Variants in EPB41 observed in about 807,000 individuals in gnomAD.
The protein encoded by EPB41 is protein 4.1.
A neutral mutation model predicts 108.0 loss-of-function variants in EPB41; 65 were observed. The observed-to-expected ratio is 0.60, with a 90% CI of 0.49 to 0.74. The LOEUF is 0.74. Among genes scored for constraint, EPB41 ranks in the 30% least tolerant of loss-of-function variants. The probability of loss-of-function intolerance (pLI) is 0.00; values close to 1 mark genes in which losing one functional copy is unlikely to be tolerated. For synonymous variants in EPB41, 336 were observed against 358.9 expected, an observed-to-expected ratio of 0.94 and a Z score of 0.72; for missense variants, 875 against 1,037.0, an observed-to-expected ratio of 0.84 and a Z score of 2.15.
At chr1:29,108,826 G>A (rs543260712) in intron 17 of EPB41, among the ~76,000 whole-genome samples, 1 of 150,334 alleles carries the variant, frequency 6.7e-6, no homozygotes, top group Non-Finnish European at 1.5e-5. Context: ...CAAAGTGCTA[G>A]GATTACAGGC....
chr1:28,894,252 C>T (rs1200405239), intron 1 of EPB41, among the ~76,000 whole-genome samples: 1 of 152,180 alleles, frequency 6.6e-6, no homozygotes, highest in African/African-American at 2.4e-5. Flanking sequence ...GTATCTTCAG[C>T]GCCTAGGGTA....
intron 8 of EPB41, chr1:29,031,769 T>C (rs1018574524): frequency 1.3e-5 from 2 of 152,136 alleles, no homozygotes; most frequent in African/African-American, 2.4e-5. Context: ...GAAAGTCTCC[T>C]TACTTCTCTC....
intron 1 of EPB41, among the ~76,000 whole-genome samples, chr1:28,974,668 T>G (rs2095561833): frequency 6.6e-6 from 1 of 152,218 alleles, no homozygotes. Context: ...TTTGAGATAC[T>G]GGATGGTATG....
At chr1:28,989,844 T>C (rs2095964942) in intron 2 of EPB41, among the ~76,000 whole-genome samples, 1 of 152,200 alleles carries the variant, frequency 6.6e-6, no homozygotes, top group Non-Finnish European at 1.5e-5. Context: ...TCTTAAAACA[T>C]TGCCTGGCAT....
intron 17 of EPB41, among the ~76,000 whole-genome samples, chr1:29,100,763 T>C (rs1217409364): frequency 2.0e-5 from 3 of 146,836 alleles, no homozygotes; most frequent in Non-Finnish European, 4.5e-5. Context: ...ATTAAATATA[T>C]AATATATATA....
intron 17 of EPB41, among the ~76,000 whole-genome samples, chr1:29,100,032 T>C (rs1664706040): frequency 6.6e-6 from 1 of 152,164 alleles, no homozygotes; most frequent in South Asian, 2.1e-4. Context: ...ACATTTTGGC[T>C]GAGGTCTGAA....
chr1:29,014,723 C>T (rs1014825024), intron 5 of EPB41, among the ~76,000 whole-genome samples: 1 of 152,184 alleles, frequency 6.6e-6, no homozygotes, highest in Non-Finnish European at 1.5e-5. Context: ...ACCCACCACA[C>T]CTGGCTGGTC....
chr1:28,997,827 C>T (rs1366249208), intron 4 of EPB41, among the ~76,000 whole-genome samples: 1 of 152,016 alleles, frequency 6.6e-6, no homozygotes, highest in Non-Finnish European at 1.5e-5. Flanking sequence ...TTTCCTCCAA[C>T]CTAAAAGGAA....
chr1:28,967,101 C>G (rs1221293353), intron 1 of EPB41, among the ~76,000 whole-genome samples: 1 of 140,074 alleles, frequency 7.1e-6, no homozygotes, highest in South Asian at 2.2e-4. Flanking sequence ...TCACTGCAAG[C>G]TCTGCCTCCA....
intron 1 of EPB41, among the ~76,000 whole-genome samples, chr1:28,951,449 A>T (rs1236981637): frequency 2.0e-5 from 3 of 152,110 alleles, no homozygotes; most frequent in Non-Finnish European, 4.4e-5. Flanking sequence ...GACTACAGTA[A>T]TGGAGTAGAA....
At chr1:28,932,451 C>T (rs2093797267) in intron 1 of EPB41, among the ~76,000 whole-genome samples, 1 of 150,828 alleles carries the variant, frequency 6.6e-6, no homozygotes, top group Non-Finnish European at 1.5e-5. Context: ...TTCCAGGAGC[C>T]AAAGCTGCTG....
chr1:28,916,552 G>A (rs1252345441), intron 1 of EPB41, among the ~76,000 whole-genome samples: 4 of 152,100 alleles, frequency 2.6e-5, no homozygotes, highest in Non-Finnish European at 5.9e-5. Context: ...CAGGAGAATC[G>A]CTTGAACCTA....
Position 28,915,020 on chromosome 1 carries a change from G to A in EPB41, c.-8+252G>A, listed in dbSNP as rs2092504573. ...GAAAGGGGAAGGGGTTGCGTCGCGG[G>A]AGTGTTGGAAAGTTAGGCTTGAGAT... On this transcript the variant is annotated intron_variant, in intron 1 of 20. Transcript: ENST00000343067. Among the ~76,000 whole-genome samples the A allele has an allele frequency of 2.0e-5, 3 of 151,770 alleles. No homozygotes were observed. The South Asian group carries it at 6.2e-4, about 31-fold the overall frequency.
intron 1 of EPB41, among the ~76,000 whole-genome samples, chr1:28,950,110 TAG>T (rs1365316490): frequency 1.3e-5 from 2 of 152,164 alleles, no homozygotes; most frequent in Admixed American, 6.6e-5. Context: ...ATGTGTGTGT[TAG>T]TGTGTTGGAT....
chr1:29,080,109 T>TTTATTTATTTATTTAA (rs1655880283), intron 16 of EPB41, among the ~76,000 whole-genome samples: 1 of 150,488 alleles, frequency 6.6e-6, no homozygotes, highest in Non-Finnish European at 1.5e-5. Context: ...TATTTATTTA[T>TTTATTTATTTATTTAA]TTATTTATTT....
intron 9 of EPB41, among the ~76,000 whole-genome samples, chr1:29,033,754 G>A (rs1358567407): frequency 1.3e-5 from 2 of 152,100 alleles, no homozygotes; most frequent in Non-Finnish European, 2.9e-5. Context: ...TTGGTTTGGG[G>A]ATATACTAAT....
chr1:28,914,481 A>G (rs1178242211), upstream of EPB41: 2 of 152,152 alleles, frequency 1.3e-5, no homozygotes, highest in Non-Finnish European at 1.5e-5. Context: ...GCGCGGCCCA[A>G]TAGAAATTTA....
intron 16 of EPB41, among the ~76,000 whole-genome samples, chr1:29,087,387 A>T (rs1356973946): frequency 1.3e-5 from 2 of 150,814 alleles, no homozygotes; most frequent in East Asian, 4.0e-4. Flanking sequence ...TTTGAGATGG[A>T]GTTTTGCTCT....
chr1:28,978,007 A>T, intron 1 of EPB41, among the ~76,000 whole-genome samples: 1 of 149,100 alleles, frequency 6.7e-6, no homozygotes, highest in African/African-American at 2.5e-5. Flanking sequence ...ATTCATTTTT[A>T]TGTTTTTTCT....
Sources: gnomAD v4.1 joint callset for allele counts (sites outside exome capture counted in the v4.1 genomes callset) on GRCh38, gnomAD v4.1.1 for gene constraint, MANE v1.5 for transcripts, NCBI Gene and HGNC (gene_info 2026-07-23, HGNC 2026-07-21) for gene names.